The following GLDC variants were observed in gnomAD, a reference collection of about 807,000 sequenced individuals.
The protein encoded by GLDC is glycine decarboxylase.
A neutral mutation model predicts 121.3 loss-of-function variants in GLDC; 104 were observed. The ratio of observed to expected loss-of-function variants is 0.86; its 90% CI spans 0.73 to 1.01. The LOEUF is 1.01. Among genes scored for constraint, GLDC ranks in the 50% least tolerant of loss-of-function variants. The pLI is 0.00. For missense variants in GLDC, 1,429 were observed against 1,306.6 expected, an observed-to-expected ratio of 1.09 and a Z score of -1.44; for synonymous variants, 546 against 480.6, an observed-to-expected ratio of 1.14 and a Z score of -1.78.
intron 2 of GLDC, among the ~76,000 whole-genome samples, chr9:6,643,557 T>C (rs901505239): frequency 7.9e-5 from 12 of 151,828 alleles, no homozygotes; most frequent in Non-Finnish European, 1.6e-4. Context: ...GCTCAGCCTG[T>C]GCCCTTGACT....
chr9:6,634,319 C>T (rs1054272402), intron 2 of GLDC, among the ~76,000 whole-genome samples: 3 of 151,830 alleles, frequency 2.0e-5, no homozygotes, highest in African/African-American at 7.3e-5. Flanking sequence ...TGCTTGAGCT[C>T]GGAGTTCAAG....
At chr9:6,614,212 G>A (rs1383106352) in intron 3 of GLDC, among the ~76,000 whole-genome samples, 2 of 151,690 alleles carry the variant, frequency 1.3e-5, no homozygotes, top group Non-Finnish European at 2.9e-5. Flanking sequence ...AAACTACTAA[G>A]TATTAAGAAG....
At chr9:6,557,877 T>A (rs567165478) in intron 17 of GLDC, 1 of 155,112 alleles carries the variant, frequency 6.4e-6, no homozygotes, top group South Asian at 2.0e-4. Context: ...GAAAAAAGCT[T>A]TGTGGAGCAA....
In GLDC at chr9:6,581,809, A is replaced by G. The variant is rs1390470103; in HGVS notation, c.1850+5332T>C. 2.0e-5 allele frequency among the ~76,000 whole-genome samples: 3 copies of G among 152,214 alleles called. No individual in the cohort carries two copies. In the East Asian group the frequency reaches 5.8e-4, roughly 29 times the overall value. On this transcript the variant is annotated intron_variant, in intron 15 of 24. Coordinates refer to ENST00000321612, the MANE Select transcript of GLDC (RefSeq NM_000170.3). ...ATGCTAGATAAGGTGCAAATCCTTT[A>G]TATTTATTGTATATTTAGAGTTGCC...
chr9:6,634,119 C>G (rs571169497), intron 2 of GLDC, among the ~76,000 whole-genome samples: 1 of 151,926 alleles, frequency 6.6e-6, no homozygotes, highest in African/African-American at 2.4e-5. Context: ...TGTGAGCCAC[C>G]GCGCCCGGCA....
At chr9:6,584,834 A>C (rs1554646290) in intron 15 of GLDC, among the ~76,000 whole-genome samples, 2 of 152,230 alleles carry the variant, frequency 1.3e-5, no homozygotes, top group Non-Finnish European at 2.9e-5. Flanking sequence ...CATTGCCAGG[A>C]ACGACATCAT....
chr9:6,592,770 T>A lies in GLDC; in HGVS notation c.1401+81A>T. 6 of 1,384,952 alleles carry A rather than the reference T, an allele frequency of 4.3e-6. No homozygotes were observed. In the South Asian group the frequency reaches 6.2e-5, roughly 14 times the overall value. 85.8% of individuals were successfully genotyped at this position (1,384,952 alleles called of 1,614,324 possible). Reference sequence around the variant, plus strand: ...GCCTAAAGTTTTCCTTTTTATTTTTTAAAAACAAAGAGAAAACCTTTTAAT... The same window carrying A: ...GCCTAAAGTTTTCCTTTTTATTTTTAAAAAACAAAGAGAAAACCTTTTAAT... On this transcript the variant is annotated intron_variant, in intron 10 of 24. Transcript: ENST00000321612.
At chr9:6,639,185 C>T (rs1587985888) in intron 2 of GLDC, 4 of 827,212 alleles carry the variant, frequency 4.8e-6, no homozygotes, top group Admixed American at 1.8e-5. Flanking sequence ...CTCCTAAAGC[C>T]GAAGCCAAAG....
chr9:6,548,506 G>C (rs1351014937), intron 21 of GLDC, among the ~76,000 whole-genome samples: 1 of 152,158 alleles, frequency 6.6e-6, no homozygotes, highest in African/African-American at 2.4e-5. Flanking sequence ...ATTTTAACCA[G>C]CACTTCTGGT....
At chr9:6,585,296 A>G (rs1418736043) in intron 15 of GLDC, among the ~76,000 whole-genome samples, 1 of 152,234 alleles carries the variant, frequency 6.6e-6, no homozygotes, top group Non-Finnish European at 1.5e-5. Context: ...CCAATATGAC[A>G]GTGAAAATGT....
intron 2 of GLDC, among the ~76,000 whole-genome samples, chr9:6,627,202 A>C (rs1819261707): frequency 6.7e-6 from 1 of 148,916 alleles, no homozygotes; most frequent in African/African-American, 2.5e-5. Flanking sequence ...AGGCTGAGGC[A>C]GGAGAATGGC....
At chr9:6,628,407 C>A (rs1302031377) in intron 2 of GLDC, among the ~76,000 whole-genome samples, 3 of 152,226 alleles carry the variant, frequency 2.0e-5, no homozygotes, top group Non-Finnish European at 4.4e-5. Context: ...CAGCTTGCTC[C>A]TGTGCACAAG....
At chr9:6,547,171 G>A (rs1166358486) in intron 21 of GLDC, among the ~76,000 whole-genome samples, 1 of 152,038 alleles carries the variant, frequency 6.6e-6, no homozygotes, top group Non-Finnish European at 1.5e-5. Flanking sequence ...TAAACGTGAG[G>A]AAGTTTAAAA....
At chr9:6,615,906 C>T (rs1007690942) in intron 3 of GLDC, among the ~76,000 whole-genome samples, 1 of 151,892 alleles carries the variant, frequency 6.6e-6, no homozygotes, top group Admixed American at 6.6e-5. Flanking sequence ...AGCCACCGCA[C>T]CTGGCCTAAT....
intron 2 of GLDC, among the ~76,000 whole-genome samples, chr9:6,634,771 T>C (rs1044283151): frequency 1.3e-5 from 2 of 152,104 alleles, no homozygotes; most frequent in Non-Finnish European, 2.9e-5. Flanking sequence ...ATTCTGCTTC[T>C]CTCCCCTTCC....
chr9:6,582,567 C>T (rs887845101), intron 15 of GLDC, among the ~76,000 whole-genome samples: 13 of 151,728 alleles, frequency 8.6e-5, no homozygotes, highest in South Asian at 2.1e-4. Context: ...CGGTGGCTCA[C>T]GCCTGTAATC....
intron 16 of GLDC, among the ~76,000 whole-genome samples, chr9:6,562,248 G>C (rs180936408): frequency 7.6e-4 from 115 of 152,250 alleles, no homozygotes; most frequent in African/African-American, 2.7e-3. Flanking sequence ...CATAAATCAA[G>C]AAGTTAGGCA....
At chr9:6,543,294 G>A (rs187994272) in intron 21 of GLDC, among the ~76,000 whole-genome samples, 160 of 152,272 alleles carry the variant, frequency 1.1e-3, no homozygotes, top group East Asian at 7.9e-3. Flanking sequence ...AAAATGCCCT[G>A]ATTGTGACAA....
chr9:6,644,831 G>T, intron 1 of GLDC, 139 bp from the exon 2 acceptor site: 1 of 699,264 alleles, frequency 1.4e-6, no homozygotes. Context: ...GGAAAACTCT[G>T]AGCAAGCCAG....
Sources: gnomAD v4.1 joint callset for allele counts (sites outside exome capture counted in the v4.1 genomes callset) on GRCh38, gnomAD v4.1.1 for gene constraint, MANE v1.5 for transcripts, NCBI Gene and HGNC (gene_info 2026-07-23, HGNC 2026-07-21) for gene names.